BICD2: variants seen among roughly 807,000 people sequenced by gnomAD.
The protein encoded by BICD2 is protein bicaudal D homolog 2.
BICD2 carries 25 observed loss-of-function variants against 72.9 expected under a neutral mutation model. The observed-to-expected ratio is 0.34, with a 90% confidence interval of 0.25 to 0.48. BICD2 has a LOEUF of 0.48. Ranked by LOEUF, BICD2 falls within the 20% of genes least tolerant of loss-of-function variation. BICD2 has a pLI of 0.99. For missense variants in BICD2, 894 were observed against 1,175.2 expected, an observed-to-expected ratio of 0.76 and a Z score of 3.50; for synonymous variants, 501 against 516.1, an observed-to-expected ratio of 0.97 and a Z score of 0.40.
Position 92,717,850 on chromosome 9 carries a change from G to A in BICD2, c.2205C>T (p.Ala735=). The change falls in exon 6 of 7, where the codon GCC becomes GCT. Residue 735 remains alanine (A), a synonymous_variant. Coordinates refer to ENST00000356884, the MANE Select transcript of BICD2 (RefSeq NM_001003800.2). ...AGAAGGTGGCTGCGTCCTCCTTGAG[G>A]GCCTTGAGCTCATTGCGCAGCTTCA... is the stretch of plus-strand genomic sequence containing the variant. ...TMMKLRNELK[A]LKEDAATFSS... is the part of the protein sequence containing the mutation. 1 of 1,612,778 alleles carries A rather than the reference G, an allele frequency of 6.2e-7. No individual in the cohort carries two copies. Among genetic ancestry groups the A allele is most frequent in the Non-Finnish European group, 8.5e-7 (1 of 1,179,988 alleles).
chr9:92,744,922 T>C (rs1853978149), intron 1 of BICD2, among the ~76,000 whole-genome samples: 1 of 152,156 alleles, frequency 6.6e-6, no homozygotes, highest in Non-Finnish European at 1.5e-5. Context: ...CATACACACA[T>C]GCACTTAAAA....
rs771388324 is a variant in BICD2, at chr9:92,718,586, G to A, written c.2059C>T (p.Arg687Trp). 5.6e-6 allele frequency: 9 copies of A among 1,613,444 alleles called. No individual in the cohort carries two copies. The highest frequency in any genetic ancestry group is 1.1e-5 in the South Asian group (1 of 91,052). ...LKLKSLLSTK[R>W]EQITTLRTVL... ...GTGCGCAGCGTGGTGATCTGCTCCC[G>A]CTTGGTGCTGAGCAGCGACTTCAGC... The change falls in exon 5 of 7, where the codon CGG becomes TGG. Residue 687 changes from arginine to tryptophan, a missense_variant. Arg to Trp is a moderately radical substitution (Grantham distance 101, BLOSUM62 -3). Around this residue, in one of 5 missense-constraint regions of BICD2, gnomAD observed 321 missense variants for 443.9 expected, o/e 0.72. Coordinates refer to ENST00000356884, the MANE Select transcript of BICD2 (RefSeq NM_001003800.2).
In BICD2 at chr9:92,714,969, G is replaced by A; in HGVS notation, c.*185C>T. ...TGGGTGCTCCTGAGGGGGCTTTGAGGAGTGAGAAGCGACACAAAGCTCTCA... is the reference window on the plus strand; with the variant it reads ...TGGGTGCTCCTGAGGGGGCTTTGAGAAGTGAGAAGCGACACAAAGCTCTCA... On this transcript the variant is annotated 3_prime_UTR_variant, in exon 7 of 7. Coordinates refer to ENST00000356884, the MANE Select transcript of BICD2 (RefSeq NM_001003800.2). 2.1e-6 allele frequency: 3 copies of A among 1,401,272 alleles called. No individual in the cohort carries two copies. The highest frequency in any genetic ancestry group is 2.8e-6 in the Non-Finnish European group (3 of 1,081,088). The allele number at this position is 1,401,272 out of a possible 1,614,324, so 86.8% of individuals were successfully genotyped here. A position where few individuals can be genotyped will look rare whatever the true frequency, so the allele number is the denominator to read the frequency against.
At chr9:92,737,653 G>A (rs1186704406) in intron 1 of BICD2, among the ~76,000 whole-genome samples, 2 of 152,146 alleles carry the variant, frequency 1.3e-5, no homozygotes, top group Non-Finnish European at 1.5e-5. Context: ...TTACCTTTGC[G>A]GTTTTCATTC....
chr9:92,741,061 A>G (rs1853888223), intron 1 of BICD2, among the ~76,000 whole-genome samples: 1 of 152,270 alleles, frequency 6.6e-6, no homozygotes, highest in African/African-American at 2.4e-5. Flanking sequence ...ATGCCCTATC[A>G]GTTCCTGATG....
chr9:92,739,595 C>T (rs889751645), intron 1 of BICD2, among the ~76,000 whole-genome samples: 10 of 152,182 alleles, frequency 6.6e-5, no homozygotes, highest in Non-Finnish European at 1.3e-4. Context: ...CCCCCGACCA[C>T]GATTTTACTC....
At chr9:92,762,069 C>A (rs1276671475) in intron 1 of BICD2, among the ~76,000 whole-genome samples, 1 of 152,216 alleles carries the variant, frequency 6.6e-6, no homozygotes, top group African/African-American at 2.4e-5. Context: ...ATCCTATTAT[C>A]TACAAATGCA....
intron 1 of BICD2, among the ~76,000 whole-genome samples, chr9:92,750,426 TGG>T (rs1055793754): frequency 6.0e-5 from 9 of 151,068 alleles, no homozygotes; most frequent in Non-Finnish European, 1.3e-4. Flanking sequence ...AGATAAATTG[TGG>T]TTCACCCATA....
intron 1 of BICD2, among the ~76,000 whole-genome samples, chr9:92,754,048 G>C (rs766673409): frequency 6.6e-6 from 1 of 151,676 alleles, no homozygotes; most frequent in African/African-American, 2.4e-5. Flanking sequence ...GGGAGGCTGA[G>C]GCAGGAGAAT....
intron 6 of BICD2, among the ~76,000 whole-genome samples, chr9:92,717,067 G>A (rs1488796429): frequency 6.6e-6 from 1 of 152,246 alleles, no homozygotes; most frequent in Admixed American, 6.5e-5. Context: ...CCAGCCAGGA[G>A]GATAATCTTC....
intron 2 of BICD2, among the ~76,000 whole-genome samples, chr9:92,726,949 G>A (rs1448782119): frequency 1.3e-5 from 2 of 152,226 alleles, no homozygotes; most frequent in Admixed American, 6.5e-5. Flanking sequence ...GGCAGAATGT[G>A]CTGGGCTGGG....
At position 92,719,194 on chromosome 9, in the gene BICD2, T is replaced by C; in HGVS notation, c.1451A>G (p.Lys484Arg). The change falls in exon 5 of 7, where the codon AAG (lysine) becomes AGG (arginine). Residue 484 changes from lysine (K) to arginine (R), a missense_variant. Physicochemically the swap from Lys to Arg is conservative, Grantham distance 26. Transcript: ENST00000356884. ...GCTGGCCTTCTCTAGCAGGGAGACC[T>C]TCTCCGTGAGTGCCTGGCCCTCAGC... The part of the protein sequence containing the change: ...YEAEGQALTE[K>R]VSLLEKASRQ... 1.2e-6 allele frequency: 2 copies of C among 1,610,766 alleles called. No homozygotes were observed. The highest frequency in any genetic ancestry group is 1.7e-6 in the Non-Finnish European group (2 of 1,179,966).
chr9:92,719,936 A>G (rs2131501733), intron 4 of BICD2, among the ~76,000 whole-genome samples: 1 of 152,216 alleles, frequency 6.6e-6, no homozygotes, highest in African/African-American at 2.4e-5. Context: ...GGAGGACAGG[A>G]CTCTGTTGCC....
At chr9:92,760,983 A>C (rs940614659) in intron 1 of BICD2, among the ~76,000 whole-genome samples, 1 of 152,158 alleles carries the variant, frequency 6.6e-6, no homozygotes, top group Admixed American at 6.5e-5. Context: ...CTGCAGAGGA[A>C]CCTCCTGGAG....
At chr9:92,716,363 G>A (rs1587666652) in intron 6 of BICD2, among the ~76,000 whole-genome samples, 1 of 152,228 alleles carries the variant, frequency 6.6e-6, no homozygotes, top group Non-Finnish European at 1.5e-5. Flanking sequence ...TTACATGCCA[G>A]ATACTGAGAA....
intron 1 of BICD2, among the ~76,000 whole-genome samples, chr9:92,733,979 GCTCAAACCAGAGTT>G (rs1853727146): frequency 6.6e-6 from 1 of 151,230 alleles, no homozygotes; most frequent in Non-Finnish European, 1.5e-5. Flanking sequence ...AAAAAAAAAA[GCTCAAACCAGAGTT>G]CCCAAGTATC....
chr9:92,742,415 C>T lies in BICD2; in HGVS notation c.241-13179G>A, dbSNP rs557548706. On this transcript the variant is annotated intron_variant, in intron 1 of 6. Coordinates refer to ENST00000356884, the MANE Select transcript of BICD2 (RefSeq NM_001003800.2). ...TTTCTTTTTTTTTGAGATGGAGTCT[C>T]GCTCTGTTGCCCAGCCTGGAGTGCA... Among the ~76,000 whole-genome samples the T allele has an allele frequency of 3.3e-3, 498 of 148,884 alleles. 4 individuals carry two copies. The Middle Eastern group carries it at 0.034, about 10-fold the overall frequency.
At chr9:92,755,817 C>A (rs1587690983) in intron 1 of BICD2, among the ~76,000 whole-genome samples, 1 of 152,282 alleles carries the variant, frequency 6.6e-6, no homozygotes, top group Non-Finnish European at 1.5e-5. Flanking sequence ...AGGCAGCAGG[C>A]AACACATGCC....
chr9:92,760,263 C>A (rs1274059747), intron 1 of BICD2, among the ~76,000 whole-genome samples: 1 of 152,186 alleles, frequency 6.6e-6, no homozygotes, highest in South Asian at 2.1e-4. Context: ...ACCTGCTAAG[C>A]CACAAAGCAT....
Sources: allele counts gnomAD v4.1 joint callset (sites outside exome capture counted in the v4.1 genomes callset), GRCh38; gene constraint gnomAD v4.1.1; regional missense constraint gnomAD v4.1.1; transcripts MANE v1.5; gene names NCBI Gene and HGNC (gene_info 2026-07-23, HGNC 2026-07-21).